The following TSPAN19 variants were observed in gnomAD, a reference collection of about 807,000 sequenced individuals.
TSPAN19 encodes tetraspanin 19.
Under a neutral mutation model 35.1 loss-of-function variants are expected in TSPAN19, and 44 were observed. The observed-to-expected ratio is 1.25, with a 90% CI of 0.98 to 1.61. The LOEUF (loss-of-function observed/expected upper bound fraction) is 1.61, where lower values mean the gene tolerates loss of function less well. Among genes scored for constraint, TSPAN19 ranks in the 40% most tolerant of loss-of-function variants. TSPAN19 has a pLI of 0.00. For missense variants in TSPAN19, 290 were observed against 280.0 expected (o/e 1.04, Z -0.26); for synonymous variants, 79 against 92.0 (o/e 0.86, Z 0.81).
chr12:85,017,348 T>C, intron 7 of TSPAN19, 108 bp downstream of exon 7: 1 of 1,013,486 alleles, frequency 9.9e-7, no homozygotes, highest in Non-Finnish European at 1.5e-6. Context: ...GTAGCCACCG[T>C]CAACAACATT....
chr12:85,024,880 T>A (rs538517283), intron 4 of TSPAN19: 3 of 152,258 alleles, frequency 2.0e-5, no homozygotes, highest in African/African-American at 7.2e-5. Flanking sequence ...GTATTATTTA[T>A]TTACTTTTTA....
chr12:85,029,782 G>C lies in TSPAN19; in HGVS notation c.76C>G (p.Leu26Val), dbSNP rs1877593542. 1.3e-6 allele frequency: 2 copies of C among 1,542,120 alleles called. No individual in the cohort carries two copies. Among genetic ancestry groups the C allele is most frequent in the East Asian group, 4.9e-5 (2 of 40,748 alleles). The change falls in exon 3 of 9, where the codon CTT becomes GTT. Residue 26 changes from leucine (L) to valine (V), a missense_variant. By Grantham distance (32) the Leu-to-Val change is conservative (BLOSUM62 1). Transcript: ENST00000532498. Reference sequence around the variant, plus strand: ...CATGCACCAAATCCCATGAATAAAAGTCCAAGAACCTAAAAAAAGAAAGTC... The same window carrying C: ...CATGCACCAAATCCCATGAATAAAACTCCAAGAACCTAAAAAAAGAAAGTC... The part of the protein sequence containing the change: ...LINGAFLVLG[L>V]LFMGFGAWLL...
At position 85,014,534 on chromosome 12, in the gene TSPAN19, CTG is replaced by C. The variant is rs1320569429; in HGVS notation, c.698_699del (p.Thr233SerfsTer31). On this transcript the variant is annotated frameshift_variant, in exon 9 of 9. Transcript: ENST00000532498. LOFTEE classifies it high-confidence loss of function. Reference protein sequence around the residue: ...LTSEVFQVSLTVCFFKNIKNI... With the variant: ...LTSEVFQVSLXVCFFKNIKNI... The stretch of plus-strand genomic sequence containing the variant: ...TTCTTGATGTTTTTGAAGAAACAAA[CTG>C]TTAATGAGACTTGGAAAACCTGGAA... 2.5e-6 allele frequency: 4 copies of C among 1,599,926 alleles called. No homozygotes were observed. The highest frequency in any genetic ancestry group is 3.4e-6 in the Non-Finnish European group (4 of 1,172,542).
intron 6 of TSPAN19, 132 bp from the exon 7 acceptor site, chr12:85,017,731 AATAAGT>A: frequency 1.6e-6 from 1 of 636,602 alleles, no homozygotes; most frequent in Middle Eastern, 4.3e-4. Context: ...TAATGAATTA[AATAAGT>A]ATATCTGTGC....
rs749922133 is a variant in TSPAN19 at position 85,019,649 on chromosome 12, T to C, written c.427A>G (p.Ile143Val). ...DKPEDITKWT[I>V]LNALQKTLQC... ...ACTGTTTTCTGTAAGGCATTCAGAA[T>C]AGTCCACTTGGTTATATCTTCAGGC... Residue 143 changes from isoleucine (I) to valine (V), a missense_variant, in exon 6 of 9, where the codon ATT becomes GTT. Physicochemically the swap from Ile to Val is conservative, Grantham distance 29 (BLOSUM62 3). Transcript: ENST00000532498. 6 of 1,605,472 alleles carry C rather than the reference T, an allele frequency of 3.7e-6. No homozygotes were observed. The highest frequency in any genetic ancestry group is 5.1e-6 in the Non-Finnish European group (6 of 1,174,140).
chr12:85,030,786 TTGGTTTTTGGTGC>T (rs956258717), intron 1 of TSPAN19, among the ~76,000 whole-genome samples: 4 of 152,064 alleles, frequency 2.6e-5, no homozygotes, highest in Non-Finnish European at 5.9e-5. Flanking sequence ...ACCTACTCCA[TTGGTTTTTGGTGC>T]TGGTTTCATT....
chr12:85,022,687 A>G (rs1197065475), intron 5 of TSPAN19, among the ~76,000 whole-genome samples: 1 of 152,154 alleles, frequency 6.6e-6, no homozygotes, highest in Admixed American at 6.6e-5. Context: ...CTATAGGACA[A>G]TTAATCTTCC....
At chr12:85,022,396 G>A (rs901920961) in intron 5 of TSPAN19, among the ~76,000 whole-genome samples, 23 of 152,046 alleles carry the variant, frequency 1.5e-4, no homozygotes, top group African/African-American at 4.3e-4. Context: ...TTACAGAAGA[G>A]TATAGATAGA....
At chr12:85,028,074 G>A in intron 3 of TSPAN19, 51 bp from the exon 4 acceptor site, 1 of 1,380,174 alleles carries the variant, frequency 7.2e-7, no homozygotes, top group Non-Finnish European at 9.7e-7. Flanking sequence ...TATATGAAGT[G>A]GTATTTTATT....
At chr12:85,030,051 G>C (rs1051323746) in intron 1 of TSPAN19, 78 bp from the exon 2 acceptor site, 1 of 1,128,432 alleles carries the variant, frequency 8.9e-7, no homozygotes, top group Non-Finnish European at 1.2e-6. Context: ...TTCTTTATTT[G>C]CACATTTTTC....
At chr12:85,024,786 A>G (rs1877312411) in intron 4 of TSPAN19, 1 of 152,048 alleles carries the variant, frequency 6.6e-6, no homozygotes, top group Admixed American at 6.5e-5. Flanking sequence ...AAAAAAAAAA[A>G]AAAAAGATTT....
intron 6 of TSPAN19, 137 bp from the exon 7 acceptor site, chr12:85,017,736 G>A: frequency 1.6e-6 from 1 of 619,850 alleles, no homozygotes; most frequent in Non-Finnish European, 2.7e-6. Flanking sequence ...AATTAAATAA[G>A]TATATCTGTG....
intron 4 of TSPAN19, among the ~76,000 whole-genome samples, chr12:85,023,834 C>T (rs752977389): frequency 2.0e-5 from 3 of 152,126 alleles, no homozygotes; most frequent in Admixed American, 6.6e-5. Context: ...TAATTCTTTA[C>T]GTATACTTGG....
chr12:85,018,533 TG>T (rs1402442452), intron 6 of TSPAN19, among the ~76,000 whole-genome samples: 1 of 151,930 alleles, frequency 6.6e-6, no homozygotes, highest in Non-Finnish European at 1.5e-5. Context: ...TTCACTTCTC[TG>T]CTGTAAGTTG....
intron 1 of TSPAN19, among the ~76,000 whole-genome samples, chr12:85,035,881 G>A (rs569847142): frequency 1.3e-5 from 2 of 151,958 alleles, no homozygotes; most frequent in African/African-American, 2.4e-5. Flanking sequence ...TTCAGTTAGA[G>A]GTTTTTGATG....
chr12:85,015,892 G>A lies in TSPAN19; in HGVS notation c.674C>T (p.Ser225Leu), dbSNP rs371710396. 25 of 1,543,600 alleles carry A rather than the reference G, an allele frequency of 1.6e-5. No individual in the cohort carries two copies. The highest frequency in any genetic ancestry group is 2.0e-5 in the Non-Finnish European group (23 of 1,141,918). Residue 225 changes from serine (S) to leucine (L), a missense_variant, in exon 8 of 9, where the codon TCA becomes TTA. Transcript: ENST00000532498. Reference protein sequence around the residue: ...LIGINFGLLTSEVFQVSLTVC... With the variant: ...LIGINFGLLTLEVFQVSLTVC... The stretch of plus-strand genomic sequence containing the variant: ...AACATATGAACAAAAGCTTACCTCT[G>A]AAGTTAAAAGTCCAAAGTTAATTCC...
intron 5 of TSPAN19, among the ~76,000 whole-genome samples, chr12:85,020,205 T>C (rs1409102171): frequency 1.3e-5 from 2 of 151,870 alleles, no homozygotes; most frequent in Non-Finnish European, 2.9e-5. Context: ...TAGAAAACTA[T>C]AGTTATGCAA....
At chr12:85,028,284 CCTT>C (rs1311428954) in intron 3 of TSPAN19, among the ~76,000 whole-genome samples, 2 of 152,094 alleles carry the variant, frequency 1.3e-5, no homozygotes, top group Non-Finnish European at 2.9e-5. Flanking sequence ...CCCTTATCCT[CCTT>C]GTCTTCTATG....
Position 85,029,779 on chromosome 12 carries a change from A to G in TSPAN19, c.79T>C (p.Leu27=). 2.6e-6 allele frequency: 4 copies of G among 1,544,306 alleles called. No individual in the cohort carries two copies. The Middle Eastern group carries it at 5.0e-4, about 195-fold the overall frequency. ...INGAFLVLGL[L]FMGFGAWLLL... is the part of the protein sequence containing the mutation. ...AGCCATGCACCAAATCCCATGAATAAAAGTCCAAGAACCTAAAAAAAGAAA... is the reference window on the plus strand; with the variant it reads ...AGCCATGCACCAAATCCCATGAATAGAAGTCCAAGAACCTAAAAAAAGAAA... The change falls in exon 3 of 9, where the codon TTA becomes CTA. Residue 27 remains leucine, a synonymous_variant. Transcript: ENST00000532498.
Sources: allele counts gnomAD v4.1 joint callset (sites outside exome capture counted in the v4.1 genomes callset), GRCh38; gene constraint gnomAD v4.1.1; transcripts MANE v1.5; gene names NCBI Gene and HGNC (gene_info 2026-07-23, HGNC 2026-07-21).